The following VILL variants were observed in gnomAD, a reference collection of about 807,000 sequenced individuals.
VILL encodes villin like.
Under a neutral mutation model 106.3 loss-of-function variants are expected in VILL, and 102 were observed. The ratio of observed to expected loss-of-function variants is 0.96; its 90% confidence interval spans 0.82 to 1.13. The LOEUF is 1.13. Ranked by LOEUF, VILL falls within the 50% of genes most tolerant of loss-of-function variation. VILL has a pLI of 0.00. For synonymous variants in VILL, 431 were observed against 440.3 expected (o/e 0.98, Z 0.27); for missense variants, 1,076 against 1,116.6 (o/e 0.96, Z 0.52).
chr3:38,004,438 G>T, intron 16 of VILL, 39 bp downstream of exon 16: 1 of 1,588,978 alleles, frequency 6.3e-7, no homozygotes, highest in African/African-American at 1.3e-5. Context: ...CTGTGAACGG[G>T]GGTGTGTTTC....
At chr3:37,996,418 A>C (rs1699702529) in intron 5 of VILL, among the ~76,000 whole-genome samples, 2 of 152,216 alleles carry the variant, frequency 1.3e-5, no homozygotes, top group Non-Finnish European at 2.9e-5. Flanking sequence ...TCCATCTGTC[A>C]GGAAATTACA....
At chr3:38,002,298 A>T in intron 13 of VILL, 98 bp from the exon 14 acceptor site, 3 of 1,234,830 alleles carry the variant, frequency 2.4e-6, no homozygotes, top group Non-Finnish European at 3.3e-6. Context: ...GATGGCTTCA[A>T]GCAAGGGTCC....
upstream of VILL, among the ~76,000 whole-genome samples, chr3:37,989,347 A>G (rs185169870): frequency 1.7e-4 from 26 of 152,310 alleles, no homozygotes; most frequent in African/African-American, 6.0e-4. Flanking sequence ...GAGTTGGGTC[A>G]GGGAGACACT....
rs764583752 is a variant in VILL at position 38,006,712 on chromosome 3, C to T, written c.2457+12C>T. On this transcript the variant is annotated intron_variant, in intron 19 of 19. Coordinates refer to ENST00000383759, the MANE Select transcript of VILL (RefSeq NM_015873.4). ...CTGCCCGCAGGGAGGTGGGCACCCC[C>T]TCACTGCCCCAGCACTAGTGCATCT... 3 of 1,593,498 alleles carry T rather than the reference C, an allele frequency of 1.9e-6. No individual in the cohort carries two copies. Among genetic ancestry groups the T allele is most frequent in the Non-Finnish European group, 2.6e-6 (3 of 1,167,956 alleles).
At chr3:38,006,361 G>A in intron 18 of VILL, 88 bp from the exon 19 acceptor site, 1 of 1,598,286 alleles carries the variant, frequency 6.3e-7, no homozygotes, top group Non-Finnish European at 8.6e-7. Flanking sequence ...GGCTGCAGTT[G>A]GAGGTAAGAG....
Position 37,993,617 on chromosome 3 carries a change from C to A in VILL, c.-56C>A, listed in dbSNP as rs1008869344. On this transcript the variant is annotated 5_prime_UTR_variant, in exon 2 of 20. Transcript: ENST00000383759. ...CAGGTAGCCAGGTGTCGGTCTCCAG[C>A]CTGAGAACTCTGGCTGTTGTTCCTT... 1.3e-6 allele frequency: 2 copies of A among 1,576,406 alleles called. No individual in the cohort carries two copies. Among genetic ancestry groups the A allele is most frequent in the Non-Finnish European group, 1.7e-6 (2 of 1,150,270 alleles).
At position 37,998,300 on chromosome 3, in the gene VILL, T is replaced by G; in HGVS notation, c.878T>G (p.Ile293Ser). The G allele has an allele frequency of 1.2e-6, 2 of 1,614,018 alleles. No homozygotes were observed. The highest frequency in any genetic ancestry group is 1.7e-6 in the Non-Finnish European group (2 of 1,179,962). The change falls in exon 9 of 20, where the codon ATC becomes AGC. Residue 293 changes from isoleucine to serine, a missense_variant. By Grantham distance (142) the Ile-to-Ser change is moderately radical (BLOSUM62 -2). Coordinates refer to ENST00000383759, the MANE Select transcript of VILL (RefSeq NM_015873.4). The surrounding 1 kb of genome is among the most constrained non-coding windows in gnomAD (Gnocchi z 4.1). ...ATCCTGGACCAGGGTGGCTTCAAGA[T>G]CTATGTGTGGCAGGGACGCATGTCT... ...FYILDQGGFK[I>S]YVWQGRMSSL...
Position 38,003,196 on chromosome 3 carries a change from C to T in VILL, c.1688C>T (p.Ala563Val), listed in dbSNP as rs776454775. 3.7e-6 allele frequency: 6 copies of T among 1,613,984 alleles called. No homozygotes were observed. The South Asian group carries it at 6.6e-5, about 18-fold the overall frequency. ...KGCNGDQREM[A>V]RVVVTVISRK... is the part of the protein sequence containing the mutation. ...TGTAATGGTGATCAGCGTGAGATGG[C>T]ACGGGTGGTGGTCACTGTCATTTCC... The change falls in exon 15 of 20, where the codon GCA becomes GTA. Residue 563 changes from alanine (A) to valine (V), a missense_variant. Coordinates refer to ENST00000383759, the MANE Select transcript of VILL (RefSeq NM_015873.4).
At position 38,006,373 on chromosome 3, in the gene VILL, C is replaced by A. The variant is rs1234523556; in HGVS notation, c.2206-76C>A. On this transcript the variant is annotated intron_variant, in intron 18 of 19. Coordinates refer to ENST00000383759, the MANE Select transcript of VILL (RefSeq NM_015873.4). ...AGGGGCTGCAGTTGGAGGTAAGAGGCCTGTGGGTTCAGTGCAGCCTCCCTG... is the reference window on the plus strand; with the variant it reads ...AGGGGCTGCAGTTGGAGGTAAGAGGACTGTGGGTTCAGTGCAGCCTCCCTG... 3 of 1,593,108 alleles carry A rather than the reference C, an allele frequency of 1.9e-6. No homozygotes were observed. The Admixed American group carries it at 5.1e-5, about 27-fold the overall frequency.
Position 37,993,731 on chromosome 3 carries a change from A to G in VILL, c.59A>G (p.Glu20Gly). 1 of 1,614,056 alleles carries G rather than the reference A, an allele frequency of 6.2e-7. No homozygotes were observed. The highest frequency in any genetic ancestry group is 8.5e-7 in the Non-Finnish European group (1 of 1,179,970). The change falls in exon 2 of 20, where the codon GAG becomes GGG. Residue 20 changes from glutamate (E) to glycine (G), a missense_variant and splice_region_variant. By Grantham distance (98) the Glu-to-Gly change is moderately conservative. Coordinates refer to ENST00000383759, the MANE Select transcript of VILL (RefSeq NM_015873.4). ...GGAGGCCTCCACATATGGATCTCTG[A>G]GGTGAGAGGCACGACCAAATAGGAG... is the stretch of plus-strand genomic sequence containing the variant. ...MQGGLHIWISENRKMVPVPEG... is the reference protein window; with the variant it reads ...MQGGLHIWISGNRKMVPVPEG...
intron 11 of VILL, chr3:38,000,860 A>G: frequency 2.2e-6 from 1 of 456,706 alleles, no homozygotes; most frequent in South Asian, 1.5e-5. Flanking sequence ...GGGAGGCGTC[A>G]TCATCCCCAA....
chr3:37,995,898 T>G, intron 5 of VILL, 51 bp downstream of exon 5: 1 of 1,484,584 alleles, frequency 6.7e-7, no homozygotes, highest in Non-Finnish European at 9.4e-7. Context: ...TCAGACTGGG[T>G]GTACTGAGGT....
intron 16 of VILL, 92 bp from the exon 17 acceptor site, chr3:38,005,700 G>A: frequency 1.4e-6 from 2 of 1,424,372 alleles, no homozygotes; most frequent in Non-Finnish European, 1.9e-6. Flanking sequence ...GTGGGGTTCT[G>A]TCTGGGACAA....
At chr3:38,005,526 G>C (rs937473732) in intron 16 of VILL, among the ~76,000 whole-genome samples, 1 of 152,050 alleles carries the variant, frequency 6.6e-6, no homozygotes. Flanking sequence ...TGCTCAATAA[G>C]TATTTGTGGA....
chr3:38,006,662 G>A lies in VILL; in HGVS notation c.2419G>A (p.Glu807Lys), dbSNP rs757413009. The change falls in exon 19 of 20, where the codon GAG (glutamate) becomes AAG (lysine). Residue 807 changes from glutamate to lysine, a missense_variant. Glu to Lys is a moderately conservative substitution (Grantham distance 56). Coordinates refer to ENST00000383759, the MANE Select transcript of VILL (RefSeq NM_015873.4). ...GGAACAACTGATGCACCAGGCTGTT[G>A]AGGACCTGCCAGAGGGCGTGGACCC... ...RREQLMHQAV[E>K]DLPEGVDPAR... 9.3e-6 allele frequency: 15 copies of A among 1,612,930 alleles called. No homozygotes were observed. In the African/African-American group the frequency reaches 1.5e-4, roughly 16 times the overall value.
chr3:38,002,022 C>T lies in VILL; in HGVS notation c.1479+162C>T, dbSNP rs1699827382. The T allele has an allele frequency of 4.2e-6, 5 of 1,194,572 alleles. No homozygotes were observed. In the South Asian group the frequency reaches 7.1e-5, roughly 17 times the overall value. The allele number at this position is 1,194,572 out of a possible 1,614,324, so 74.0% of individuals were successfully genotyped here. On this transcript the variant is annotated intron_variant, in intron 13 of 19. Transcript: ENST00000383759. ...GGCCCAGGAGCTCCAAGGTTGGCCC[C>T]CTGCCTGAGTTTCCCTCCCCAGTCC...
chr3:38,002,528 A>C lies in VILL; in HGVS notation c.1612A>C (p.Ile538Leu). ...ARASSLNSSD[I>L]FLLVTASVCY... ...TGCCTCATCCCTCAACTCCAGTGAC[A>C]TCTTCTTGCTGGTCACAGCCAGCGT... The change falls in exon 14 of 20, where the codon ATC becomes CTC. Residue 538 changes from isoleucine to leucine, a missense_variant. Physicochemically the swap from Ile to Leu is conservative, Grantham distance 5. Transcript: ENST00000383759. The C allele has an allele frequency of 1.2e-6, 2 of 1,614,200 alleles. No homozygotes were observed. Among genetic ancestry groups the C allele is most frequent in the Non-Finnish European group, 8.5e-7 (1 of 1,180,018 alleles).
In VILL at chr3:37,998,793, T is replaced by G; in HGVS notation, c.943-119T>G. ...CAGAGTCAATTCGCTAAGTGGGTCA[T>G]GAGCTCGGTTAATTAACGCTTCTTG... On this transcript the variant is annotated intron_variant, in intron 9 of 19. Transcript: ENST00000383759. The surrounding 1 kb of genome is among the most constrained non-coding windows in gnomAD (Gnocchi z 4.1). The G allele has an allele frequency of 1.5e-4, 211 of 1,435,602 alleles. No homozygotes were observed. The highest frequency in any genetic ancestry group is 1.8e-4 in the Non-Finnish European group (193 of 1,089,078). The allele number at this position is 1,435,602 out of a possible 1,614,324, so 88.9% of individuals were successfully genotyped here.
intron 12 of VILL, 48 bp downstream of exon 12, chr3:38,001,641 G>A: frequency 6.2e-7 from 1 of 1,613,436 alleles, no homozygotes; most frequent in Non-Finnish European, 8.5e-7. Flanking sequence ...CCCAAGGGCT[G>A]GGCTCTGGGA....
Sources: gnomAD v4.1 joint callset for allele counts (sites outside exome capture counted in the v4.1 genomes callset) on GRCh38, gnomAD v4.1.1 for gene constraint, Gnocchi (gnomAD v3.1) non-coding constraint, MANE v1.5 for transcripts, NCBI Gene and HGNC (gene_info 2026-07-23, HGNC 2026-07-21) for gene names.